The following FHDC1 variants were observed in gnomAD, a reference collection of about 807,000 sequenced individuals.
FHDC1 encodes the protein FH2 domain containing 1.
FHDC1 carries 25 observed loss-of-function variants against 52.6 expected under a neutral mutation model. That is an observed-to-expected ratio of 0.48 (90% CI 0.35 to 0.66). The LOEUF is 0.66. Ranked by LOEUF, FHDC1 falls within the 30% of genes least tolerant of loss-of-function variation. FHDC1 has a pLI of 0.01. For synonymous variants in FHDC1, 616 were observed against 581.5 expected, an observed-to-expected ratio of 1.06 and a Z score of -0.85; for missense variants, 1,459 against 1,452.8, an observed-to-expected ratio of 1.00 and a Z score of -0.07.
At chr4:152,918,238 G>T in the FHDC1 span, among the ~76,000 whole-genome samples, 1 of 152,166 alleles carries the variant, frequency 6.6e-6, no homozygotes, top group Non-Finnish European at 1.5e-5. Context: ...TTCCTTGCCA[G>T]TGACCTCAAC....
upstream of FHDC1, among the ~76,000 whole-genome samples, chr4:152,935,335 G>A (rs1217734696): frequency 6.6e-6 from 1 of 152,186 alleles, no homozygotes; most frequent in Non-Finnish European, 1.5e-5. Flanking sequence ...GTCAAAGGTA[G>A]CGATGACTTC....
intron 4 of FHDC1, among the ~76,000 whole-genome samples, chr4:152,959,801 A>G (rs960098892): frequency 1.3e-5 from 2 of 152,166 alleles, no homozygotes; most frequent in Non-Finnish European, 2.9e-5. Flanking sequence ...ATAGATGTAC[A>G]TATAGTATGT....
intron 3 of FHDC1, 22 bp downstream of exon 3, chr4:152,953,582 A>G: frequency 6.3e-7 from 1 of 1,597,572 alleles, no homozygotes; most frequent in Non-Finnish European, 8.5e-7. Flanking sequence ...CACACATTTG[A>G]AACTTTAGTC....
chr4:152,954,335 C>T lies in FHDC1; in HGVS notation c.663+16C>T, dbSNP rs1740016423. The T allele has an allele frequency of 1.3e-6, 2 of 1,595,498 alleles. No individual in the cohort carries two copies. Among genetic ancestry groups the T allele is most frequent in the East Asian group, 2.2e-5 (1 of 44,792 alleles). ...GTCAGAAGAGGTAAGAAATTCAGCG[C>T]ATGAGTTGTAGATGTTAGGAGTGAT... On this transcript the variant is annotated intron_variant, in intron 4 of 11. Transcript: ENST00000511601.
At chr4:152,960,308 C>T (rs1740239297) in intron 4 of FHDC1, among the ~76,000 whole-genome samples, 1 of 152,112 alleles carries the variant, frequency 6.6e-6, no homozygotes, top group South Asian at 2.1e-4. Flanking sequence ...CTCCAGCTCT[C>T]CAGTTTACAC....
chr4:152,930,997 A>ACACACACACACT, the FHDC1 span, among the ~76,000 whole-genome samples: 165 of 113,224 alleles, frequency 1.5e-3, no homozygotes, highest in East Asian at 2.5e-3. Context: ...ACACACACAC[A>ACACACACACACT]CTCTCTCTCT....
At chr4:152,935,863 G>C (rs1561199087), upstream of FHDC1, among the ~76,000 whole-genome samples, 1 of 151,096 alleles carries the variant, frequency 6.6e-6, no homozygotes, top group Non-Finnish European at 1.5e-5. Flanking sequence ...GTGTATATAA[G>C]AGTGTGTGCG....
rs1262852576 is a variant in FHDC1, at chr4:152,962,971, G to GTA, written c.922-51_922-50insAT. On this transcript the variant is annotated intron_variant, in intron 7 of 11. Coordinates refer to ENST00000511601, the MANE Select transcript of FHDC1 (RefSeq NM_001371116.1). ...TGTGTGTGTGTGTGTGTGTGTGTGT[G>GTA]TGTGTGTGTGTATGTATACATAATT... is the stretch of plus-strand genomic sequence containing the variant. 7 of 1,519,746 alleles carry GTA rather than the reference G, an allele frequency of 4.6e-6. No homozygotes were observed. The African/African-American group carries it at 8.6e-5, about 19-fold the overall frequency. The allele number at this position is 1,519,746 out of a possible 1,614,324, so 94.1% of individuals were successfully genotyped here.
chr4:152,951,322 G>A (rs2149944069), intron 2 of FHDC1, among the ~76,000 whole-genome samples: 1 of 152,178 alleles, frequency 6.6e-6, no homozygotes, highest in South Asian at 2.1e-4. Flanking sequence ...ACCTTTTAAA[G>A]GGTGTTGAGT....
At chr4:152,934,933 CACTCA>C (rs988196867), upstream of FHDC1, among the ~76,000 whole-genome samples, 7 of 152,180 alleles carry the variant, frequency 4.6e-5, 1 homozygote, top group African/African-American at 1.4e-4. Flanking sequence ...AAGAAGATGC[CACTCA>C]ACTCCTCACT....
In FHDC1 at chr4:152,975,831, G is replaced by A. The variant is rs757372899; in HGVS notation, c.2540G>A (p.Gly847Asp). 4.6e-6 allele frequency: 7 copies of A among 1,519,900 alleles called. No individual in the cohort carries two copies. The highest frequency in any genetic ancestry group is 3.6e-4 in the Middle Eastern group (2 of 5,624). 94.2% of individuals were successfully genotyped at this position (1,519,900 alleles called of 1,614,324 possible). ...GATAGTGAGCCCAGCTGCAAGGGCG[G>A]CCTGCCCAGGGACAAACCCACCAAA... Reference protein sequence around the residue: ...SVDSEPSCKGGLPRDKPTKRK... With the variant: ...SVDSEPSCKGDLPRDKPTKRK... The change falls in exon 12 of 12, where the codon GGC becomes GAC. Residue 847 changes from glycine to aspartate, a missense_variant. Around this residue, in one of 3 missense-constraint regions of FHDC1, gnomAD observed 939 missense variants for 854.5 expected, o/e 1.10. Coordinates refer to ENST00000511601, the MANE Select transcript of FHDC1 (RefSeq NM_001371116.1).
chr4:152,943,677 G>A, intron 2 of FHDC1, 122 bp downstream of exon 2: 1 of 1,219,266 alleles, frequency 8.2e-7, no homozygotes, highest in South Asian at 1.6e-5. Context: ...AAGCGAATCT[G>A]CCTTGGAAAT....
chr4:152,938,538 C>T (rs1244330240), intron 1 of FHDC1, among the ~76,000 whole-genome samples: 1 of 152,072 alleles, frequency 6.6e-6, no homozygotes, highest in Admixed American at 6.6e-5. Flanking sequence ...AGTAAAAATT[C>T]CATAGTTTAG....
the FHDC1 span, among the ~76,000 whole-genome samples, chr4:152,926,366 A>C: frequency 6.6e-6 from 1 of 151,854 alleles, no homozygotes; most frequent in Non-Finnish European, 1.5e-5. Context: ...TTAACCATTA[A>C]GCTCCCTAAA....
the FHDC1 span, chr4:152,912,257 A>G: frequency 6.6e-6 from 1 of 152,216 alleles, no homozygotes; most frequent in African/African-American, 2.4e-5. Flanking sequence ...TTTGTTAGGA[A>G]TGTAATTTAT....
chr4:152,931,164 G>T, the FHDC1 span, among the ~76,000 whole-genome samples: 1 of 152,018 alleles, frequency 6.6e-6, no homozygotes, highest in Non-Finnish European at 1.5e-5. Context: ...AAAGAAACTG[G>T]CATCTGACAA....
intron 2 of FHDC1, among the ~76,000 whole-genome samples, chr4:152,951,401 C>T (rs1047384228): frequency 2.0e-5 from 3 of 151,988 alleles, no homozygotes; most frequent in Non-Finnish European, 1.5e-5. Context: ...GAACTGCAGT[C>T]CCCAGATAGG....
chr4:152,974,973 G>T lies in FHDC1; in HGVS notation c.1682G>T (p.Ser561Ile), dbSNP rs1334295322. The T allele has an allele frequency of 6.2e-7, 1 of 1,612,498 alleles. No homozygotes were observed. Among genetic ancestry groups the T allele is most frequent in the Non-Finnish European group, 8.5e-7 (1 of 1,179,828 alleles). ...LLTFLESSTG[S>I]PEEPNKFHSL... is the part of the protein sequence containing the mutation. ...ACCTTCTTGGAGAGCTCCACCGGCA[G>T]CCCTGAGGAGCCCAATAAGTTCCAC... Residue 561 changes from serine (S) to isoleucine (I), a missense_variant, in exon 12 of 12, where the codon AGC becomes ATC. Physicochemically the swap from Ser to Ile is moderately radical, Grantham distance 142. Around this residue, in one of 3 missense-constraint regions of FHDC1, gnomAD observed 939 missense variants for 854.5 expected, o/e 1.10. Transcript: ENST00000511601.
intron 4 of FHDC1, among the ~76,000 whole-genome samples, chr4:152,954,991 G>A (rs774425021): frequency 2.6e-5 from 4 of 152,024 alleles, no homozygotes; most frequent in African/African-American, 7.2e-5. Context: ...CACTTGGCAC[G>A]TGGGAGCTCA....
Sources: gnomAD v4.1 joint callset for allele counts (sites outside exome capture counted in the v4.1 genomes callset) on GRCh38, gnomAD v4.1.1 for gene constraint, gnomAD v4.1.1 regional missense constraint, MANE v1.5 for transcripts, NCBI Gene and HGNC (gene_info 2026-07-23, HGNC 2026-07-21) for gene names.